Variants in LVRN observed in about 807,000 individuals in gnomAD.
LVRN encodes the protein laeverin, also known as aminopeptidase Q.
In LVRN, 99 loss-of-function variants were observed where a neutral mutation model predicts 111.4. The observed-to-expected ratio is 0.89, with a 90% confidence interval of 0.76 to 1.05. LVRN has a LOEUF of 1.05. LVRN is among the 50% of genes least tolerant of loss of function. The probability of loss-of-function intolerance (pLI) is 0.00; values close to 1 mark genes in which losing one functional copy is unlikely to be tolerated. For synonymous variants in LVRN, 488 were observed against 449.5 expected, an observed-to-expected ratio of 1.09 and a Z score of -1.08; for missense variants, 1,414 against 1,206.8, an observed-to-expected ratio of 1.17 and a Z score of -2.54.
intron 18 of LVRN, among the ~76,000 whole-genome samples, chr5:116,018,045 T>G (rs999854964): frequency 1.3e-5 from 2 of 151,654 alleles, no homozygotes; most frequent in Non-Finnish European, 2.9e-5. Flanking sequence ...ACGATCACTT[T>G]AGCCCAGGAG....
chr5:115,972,797 G>C (rs971159981), intron 1 of LVRN, among the ~76,000 whole-genome samples: 1 of 151,944 alleles, frequency 6.6e-6, no homozygotes, highest in Non-Finnish European at 1.5e-5. Context: ...TTTTCCAAGA[G>C]CTATGATCAG....
At chr5:115,992,638 C>T (rs2112585147) in intron 5 of LVRN, among the ~76,000 whole-genome samples, 1 of 152,274 alleles carries the variant, frequency 6.6e-6, no homozygotes, top group South Asian at 2.1e-4. Context: ...GAAAGATACC[C>T]ACATTTCATC....
At position 115,987,247 on chromosome 5, in the gene LVRN, CT is replaced by C. The variant is rs1457319128; in HGVS notation, c.979-564del. ...AGAAAAACAAGAGAATTATAATTCA[CT>C]TGCTTTGACAGTTTTAAAATTATGA... On this transcript the variant is annotated intron_variant, in intron 3 of 19. Coordinates refer to ENST00000357872, the MANE Select transcript of LVRN (RefSeq NM_173800.5). Among the ~76,000 whole-genome samples, 11 of 152,224 alleles carry C rather than the reference CT, an allele frequency of 7.2e-5. No homozygotes were observed. The South Asian group carries it at 1.5e-3, about 20-fold the overall frequency.
At chr5:115,996,020 A>T (rs991383926) in intron 6 of LVRN, among the ~76,000 whole-genome samples, 1 of 152,032 alleles carries the variant, frequency 6.6e-6, no homozygotes, top group African/African-American at 2.4e-5. Context: ...TCTCTCCAAC[A>T]GTCCTTTCCA....
At chr5:116,018,890 A>G (rs1748657153) in intron 18 of LVRN, among the ~76,000 whole-genome samples, 1 of 152,144 alleles carries the variant, frequency 6.6e-6, no homozygotes, top group Non-Finnish European at 1.5e-5. Context: ...TTCACAGCAA[A>G]ATTAAGCAGA....
rs778580648 is a variant in LVRN, at chr5:115,993,784, G to C, written c.1304G>C (p.Trp435Ser). 63 of 1,610,548 alleles carry C rather than the reference G, an allele frequency of 3.9e-5. 3 individuals carry two copies. The South Asian group carries it at 6.7e-4, about 17-fold the overall frequency. The change falls in exon 6 of 20, where the codon TGG (tryptophan) becomes TCG (serine). Residue 435 changes from tryptophan (W) to serine (S), a missense_variant. Transcript: ENST00000357872. Reference protein sequence around the residue: ...LVTMNWWNNIWLNEGFASYFE... With the variant: ...LVTMNWWNNISLNEGFASYFE... ...ACCATGAATTGGTGGAACAATATCT[G>C]GCTCAACGAGGGTTTTGCATCTTAT...
intron 14 of LVRN, among the ~76,000 whole-genome samples, chr5:116,011,945 T>C (rs1306890673): frequency 1.3e-5 from 2 of 152,178 alleles, no homozygotes; most frequent in Admixed American, 1.3e-4. Flanking sequence ...CCAGTTCTTT[T>C]TTTTTGAGGA....
rs780612887 is a variant in LVRN, at chr5:115,962,898, A to T, written c.281A>T (p.Asp94Val). Residue 94 changes from aspartate (D) to valine (V), a missense_variant, in exon 1 of 20, where the codon GAC becomes GTC. Transcript: ENST00000357872. ...AACTGGCGACCCCCGGGGCCCTGGG[A>T]CCAGCTACGCCTGCCGCCCTGGCTC... is the stretch of plus-strand genomic sequence containing the variant. Reference protein sequence around the residue: ...PSNWRPPGPWDQLRLPPWLVP... With the variant: ...PSNWRPPGPWVQLRLPPWLVP... 1 of 1,612,702 alleles carries T rather than the reference A, an allele frequency of 6.2e-7. No homozygotes were observed. Among genetic ancestry groups the T allele is most frequent in the Non-Finnish European group, 8.5e-7 (1 of 1,179,682 alleles).
intron 1 of LVRN, among the ~76,000 whole-genome samples, chr5:115,969,857 T>C (rs186495999): frequency 2.5e-4 from 38 of 151,902 alleles, no homozygotes; most frequent in Non-Finnish European, 4.1e-4. Flanking sequence ...TACATTCTTA[T>C]ATCTTTCATA....
intron 1 of LVRN, chr5:115,975,304 T>C: frequency 3.0e-6 from 1 of 334,316 alleles, no homozygotes; most frequent in Non-Finnish European, 5.7e-6. Context: ...GACAAAGTTA[T>C]TCATTTGCAG....
At chr5:116,009,880 G>A (rs1048475302) in intron 13 of LVRN, among the ~76,000 whole-genome samples, 33 of 152,138 alleles carry the variant, frequency 2.2e-4, no homozygotes, top group African/African-American at 6.8e-4. Flanking sequence ...AGAATATTAC[G>A]TATACTTAGT....
At position 115,963,117 on chromosome 5, in the gene LVRN, G is replaced by T; in HGVS notation, c.500G>T (p.Gly167Val). 6.2e-7 allele frequency: 1 copy of T among 1,613,582 alleles called. No homozygotes were observed. The highest frequency in any genetic ancestry group is 8.5e-7 in the Non-Finnish European group (1 of 1,179,954). ...CGGGGACCCCTTTCCCCGGGCACTGGGAACGCCACAGTGGGCCGCGTGCCC... is the reference window on the plus strand; with the variant it reads ...CGGGGACCCCTTTCCCCGGGCACTGTGAACGCCACAGTGGGCCGCGTGCCC... ...EVRGPLSPGT[G>V]NATVGRVPVD... The change falls in exon 1 of 20, where the codon GGG becomes GTG. Residue 167 changes from glycine to valine, a missense_variant. Transcript: ENST00000357872.
intron 10 of LVRN, among the ~76,000 whole-genome samples, chr5:116,002,545 A>C (rs546958261): frequency 6.6e-6 from 1 of 152,330 alleles, no homozygotes; most frequent in East Asian, 1.9e-4. Context: ...CTATAATTTA[A>C]CATACACACG....
In LVRN at chr5:116,022,459, T is replaced by C; in HGVS notation, c.2825T>C (p.Ile942Thr). ...AGAACCGTAACTACAGATTTACAGATTGTGGAGGTAAGTACTTTAAATATT... is the reference window on the plus strand; with the variant it reads ...AGAACCGTAACTACAGATTTACAGACTGTGGAGGTAAGTACTTTAAATATT... ...IGRTVTTDLQ[I>T]VELQQFFSNM... The change falls in exon 19 of 20, where the codon ATT becomes ACT. Residue 942 changes from isoleucine to threonine, a missense_variant. Transcript: ENST00000357872. 1 of 1,547,776 alleles carries C rather than the reference T, an allele frequency of 6.5e-7. No homozygotes were observed. The highest frequency in any genetic ancestry group is 8.8e-7 in the Non-Finnish European group (1 of 1,135,646).
chr5:115,986,286 C>T (rs1312669848), intron 3 of LVRN, among the ~76,000 whole-genome samples: 1 of 152,178 alleles, frequency 6.6e-6, no homozygotes, highest in Non-Finnish European at 1.5e-5. Context: ...GATTTGGAAG[C>T]ACGTGCTTTG....
At chr5:116,001,675 G>A (rs1444108268) in intron 10 of LVRN, among the ~76,000 whole-genome samples, 2 of 152,176 alleles carry the variant, frequency 1.3e-5, no homozygotes, top group Non-Finnish European at 2.9e-5. Context: ...ATAGTTCTGT[G>A]CAGGGGTGTG....
rs1159855092 is a variant in LVRN at position 116,027,571 on chromosome 5, A to G, written c.*1453A>G. On this transcript the variant is annotated 3_prime_UTR_variant, in exon 20 of 20. Transcript: ENST00000357872. The stretch of plus-strand genomic sequence containing the variant: ...ATTTTTTCTTCAAATGTAGAAATGT[A>G]AATTTTCAGCAATAAAATATCTGCA... 3 of 152,218 alleles carry G rather than the reference A, an allele frequency of 2.0e-5. No individual in the cohort carries two copies. In the East Asian group the frequency reaches 5.8e-4, roughly 29 times the overall value. 9.4% of individuals were successfully genotyped at this position (152,218 alleles called of 1,614,324 possible).
intron 1 of LVRN, among the ~76,000 whole-genome samples, chr5:115,968,662 G>A (rs1332757178): frequency 1.3e-5 from 2 of 152,136 alleles, no homozygotes; most frequent in African/African-American, 4.8e-5. Context: ...TCTAATGCAG[G>A]GAGGAAGGTG....
chr5:115,991,237 A>G (rs1216411201), intron 4 of LVRN, among the ~76,000 whole-genome samples: 1 of 152,072 alleles, frequency 6.6e-6, no homozygotes, highest in African/African-American at 2.4e-5. Flanking sequence ...ACAACCACCA[A>G]TCTTTTTATT....
Sources: allele counts gnomAD v4.1 joint callset (sites outside exome capture counted in the v4.1 genomes callset), GRCh38; gene constraint gnomAD v4.1.1; transcripts MANE v1.5; gene names NCBI Gene and HGNC (gene_info 2026-07-23, HGNC 2026-07-21).